Variants in DEUP1 observed in about 807,000 individuals in gnomAD.
DEUP1 encodes coiled-coil domain containing 67.
DEUP1 carries 82 observed loss-of-function variants against 87.4 expected under a neutral mutation model. The ratio of observed to expected loss-of-function variants is 0.94; its 90% confidence interval spans 0.78 to 1.13. The LOEUF (loss-of-function observed/expected upper bound fraction) is 1.13. Among genes scored for constraint, DEUP1 ranks in the 50% most tolerant of loss-of-function variants. The pLI is 0.00. For synonymous variants in DEUP1, 214 were observed against 222.7 expected (o/e 0.96, Z 0.35); for missense variants, 663 against 681.5 (o/e 0.97, Z 0.30).
chr11:93,357,881 A>G (rs1243594915), intron 4 of DEUP1, among the ~76,000 whole-genome samples: 1 of 152,166 alleles, frequency 6.6e-6, no homozygotes, highest in Non-Finnish European at 1.5e-5. Context: ...ATTTTACAAG[A>G]CTAGTTCTTA....
At chr11:93,349,238 G>A (rs958355457) in intron 2 of DEUP1, among the ~76,000 whole-genome samples, 8 of 152,114 alleles carry the variant, frequency 5.3e-5, no homozygotes, top group Admixed American at 4.6e-4. Context: ...TACAATGAAA[G>A]ACTGAAACTA....
chr11:93,427,320 G>GA (rs1947952990), intron 13 of DEUP1, among the ~76,000 whole-genome samples: 1 of 151,512 alleles, frequency 6.6e-6, no homozygotes, highest in Non-Finnish European at 1.5e-5. Flanking sequence ...AAATAATGCC[G>GA]CATATCTACA....
chr11:93,385,331 T>G, intron 7 of DEUP1, 67 bp from the exon 8 acceptor site: 1 of 1,465,504 alleles, frequency 6.8e-7, no homozygotes, highest in Non-Finnish European at 9.4e-7. Context: ...ATGTTAAATA[T>G]TTTTAAATGC....
At chr11:93,383,519 G>A (rs903198632) in intron 7 of DEUP1, 4 of 613,448 alleles carry the variant, frequency 6.5e-6, no homozygotes, top group Middle Eastern at 2.5e-4. Flanking sequence ...TGGGGATGAT[G>A]AAAATGCTCT....
At chr11:93,393,562 T>A (rs11020301) in intron 9 of DEUP1, among the ~76,000 whole-genome samples, 38,912 of 152,064 alleles carry the variant, frequency 0.26, 5,297 homozygotes, top group Middle Eastern at 0.38. Context: ...TCCTATCCTG[T>A]CATCCCTAGG....
chr11:93,364,970 C>T (rs1945345020), intron 5 of DEUP1, among the ~76,000 whole-genome samples: 1 of 152,074 alleles, frequency 6.6e-6, no homozygotes, highest in Admixed American at 6.6e-5. Context: ...ATTCCTCCTA[C>T]AAGTCATGGA....
rs538085426 is a variant in DEUP1, at chr11:93,394,087, C to T, written c.1042-372C>T. On this transcript the variant is annotated intron_variant, in intron 9 of 13. Coordinates refer to ENST00000298050, the MANE Select transcript of DEUP1 (RefSeq NM_181645.4). ...TCCTAGATTCCAGTCCTAGCTTTGC[C>T]GATTATTAGCTTTATGACTTTGAGC... Among the ~76,000 whole-genome samples, 23 of 152,218 alleles carry T rather than the reference C, an allele frequency of 1.5e-4. No homozygotes were observed. The South Asian group carries it at 3.7e-3, about 25-fold the overall frequency.
At chr11:93,412,872 G>A (rs1034036771) in intron 12 of DEUP1, among the ~76,000 whole-genome samples, 2 of 151,820 alleles carry the variant, frequency 1.3e-5, no homozygotes, top group African/African-American at 4.8e-5. Flanking sequence ...TTAATTTGCT[G>A]TTCTGTTTCC....
chr11:93,414,394 TC>T (rs940260953), intron 12 of DEUP1, among the ~76,000 whole-genome samples: 100 of 151,958 alleles, frequency 6.6e-4, no homozygotes, highest in African/African-American at 2.2e-3. Flanking sequence ...GCGCCTATAA[TC>T]CCAGCTACTC....
At chr11:93,393,271 C>T (rs544562637) in intron 9 of DEUP1, among the ~76,000 whole-genome samples, 1 of 151,826 alleles carries the variant, frequency 6.6e-6, no homozygotes, top group East Asian at 1.9e-4. Flanking sequence ...AATGTTTTTA[C>T]TTTTCATAGA....
At chr11:93,419,397 A>G (rs1947787077) in intron 13 of DEUP1, among the ~76,000 whole-genome samples, 1 of 152,190 alleles carries the variant, frequency 6.6e-6, no homozygotes, top group Non-Finnish European at 1.5e-5. Context: ...CTTTGTTCTT[A>G]TGCTAGTTGA....
Position 93,405,386 on chromosome 11 carries a change from A to G in DEUP1, c.1327-2845A>G, listed in dbSNP as rs562002762. Among the ~76,000 whole-genome samples the G allele has an allele frequency of 3.3e-5, 5 of 152,132 alleles. No homozygotes were observed. The East Asian group carries it at 9.6e-4, about 29-fold the overall frequency. On this transcript the variant is annotated intron_variant, in intron 11 of 13. Transcript: ENST00000298050. ...CATTTATGCCTCTCAAAAAGAATAA[A>G]TGTTGAGAAATCCTAAAGGCAGAGC...
intron 2 of DEUP1, among the ~76,000 whole-genome samples, chr11:93,355,054 A>G (rs567365016): frequency 1.3e-5 from 2 of 152,354 alleles, no homozygotes; most frequent in Admixed American, 1.3e-4. Context: ...TATGATAGAC[A>G]TAGGTATATG....
At chr11:93,386,015 TGTACACCA>T (rs1946530553) in intron 8 of DEUP1, among the ~76,000 whole-genome samples, 1 of 151,700 alleles carries the variant, frequency 6.6e-6, no homozygotes, top group Non-Finnish European at 1.5e-5. Flanking sequence ...ATCGTGCCAC[TGTACACCA>T]GCCTGGGCAA....
intron 7 of DEUP1, among the ~76,000 whole-genome samples, chr11:93,379,476 C>T (rs1206160851): frequency 6.6e-6 from 1 of 152,196 alleles, no homozygotes; most frequent in Non-Finnish European, 1.5e-5. Flanking sequence ...GGATCACCAT[C>T]TCTACTCTCC....
At chr11:93,352,120 CT>C (rs1446425841) in intron 2 of DEUP1, among the ~76,000 whole-genome samples, 14 of 152,186 alleles carry the variant, frequency 9.2e-5, no homozygotes, top group African/African-American at 2.9e-4. Flanking sequence ...CTAAATGATC[CT>C]TAATTAGCTT....
chr11:93,368,433 C>T (rs1233902003), intron 5 of DEUP1, among the ~76,000 whole-genome samples: 1 of 152,192 alleles, frequency 6.6e-6, no homozygotes, highest in Admixed American at 6.5e-5. Context: ...AATTGACTCA[C>T]AGTTCCACAG....
rs1189093288 is a variant in DEUP1 at position 93,394,482 on chromosome 11, G to A, written c.1065G>A (p.Val355=). The change falls in exon 10 of 14, where the codon GTG becomes GTA. Residue 355 remains valine, a synonymous_variant. Transcript: ENST00000298050. ...LNKIRSQLQQ[V]EEYHNSEQER... is the part of the protein sequence containing the mutation. ...AGATAAGAAGCCAACTCCAACAGGT[G>A]GAAGAGTACCATAACTCTGAGCAGG... The A allele has an allele frequency of 2.5e-6, 4 of 1,586,588 alleles. No individual in the cohort carries two copies. The highest frequency in any genetic ancestry group is 1.8e-5 in the Admixed American group (1 of 54,720).
At chr11:93,419,631 G>A (rs1947797856) in intron 13 of DEUP1, among the ~76,000 whole-genome samples, 3 of 151,974 alleles carry the variant, frequency 2.0e-5, no homozygotes, top group Admixed American at 6.6e-5. Context: ...AGATGAAATC[G>A]ATCTCAAGGG....
Sources: allele counts gnomAD v4.1 joint callset (sites outside exome capture counted in the v4.1 genomes callset), GRCh38; gene constraint gnomAD v4.1.1; transcripts MANE v1.5; gene names NCBI Gene and HGNC (gene_info 2026-07-23, HGNC 2026-07-21).